CLSTN2: variants seen among roughly 807,000 people sequenced by gnomAD.
The protein encoded by CLSTN2 is calsyntenin-2.
A neutral mutation model predicts 101.2 loss-of-function variants in CLSTN2; 48 were observed. The observed-to-expected ratio is 0.47, with a 90% CI of 0.38 to 0.60. The LOEUF is 0.60. Ranked by LOEUF, CLSTN2 falls within the 20% of genes least tolerant of loss-of-function variation. The probability of loss-of-function intolerance (pLI) is 0.00; values close to 1 mark genes in which losing one functional copy is unlikely to be tolerated. For missense variants in CLSTN2, 1,160 were observed against 1,238.2 expected (o/e 0.94, Z 0.95); for synonymous variants, 481 against 463.6 (o/e 1.04, Z -0.48).
At chr3:140,105,758 G>T (rs1020545059) in intron 1 of CLSTN2, among the ~76,000 whole-genome samples, 3 of 152,186 alleles carry the variant, frequency 2.0e-5, no homozygotes, top group Non-Finnish European at 4.4e-5. Flanking sequence ...CTTATCTCCT[G>T]TGTACAGGAC....
At chr3:140,339,637 G>A (rs916433881) in intron 2 of CLSTN2, among the ~76,000 whole-genome samples, 2 of 152,150 alleles carry the variant, frequency 1.3e-5, no homozygotes, top group African/African-American at 4.8e-5. Context: ...AACCATGGGG[G>A]CCTTGAAACA....
At chr3:140,394,605 C>A (rs544597184) in intron 2 of CLSTN2, among the ~76,000 whole-genome samples, 45 of 146,848 alleles carry the variant, frequency 3.1e-4, no homozygotes, top group Middle Eastern at 3.4e-3. Flanking sequence ...CCTATTGCAG[C>A]CTTTGCAGTA....
intron 2 of CLSTN2, among the ~76,000 whole-genome samples, chr3:140,207,339 T>A (rs533393916): frequency 6.6e-6 from 1 of 152,174 alleles, no homozygotes; most frequent in Admixed American, 6.5e-5. Flanking sequence ...GAGAAAGGAG[T>A]TGGTCTAAAG....
At chr3:140,437,933 T>C (rs2088704647) in intron 5 of CLSTN2, among the ~76,000 whole-genome samples, 1 of 152,214 alleles carries the variant, frequency 6.6e-6, no homozygotes, top group Non-Finnish European at 1.5e-5. Context: ...CTTAACCTTA[T>C]GTCGTATTTA....
At chr3:140,149,815 T>G (rs2009834584) in intron 1 of CLSTN2, among the ~76,000 whole-genome samples, 1 of 152,224 alleles carries the variant, frequency 6.6e-6, no homozygotes, top group Non-Finnish European at 1.5e-5. Context: ...ATACTTATGC[T>G]AAAAATAGTT....
intron 2 of CLSTN2, among the ~76,000 whole-genome samples, chr3:140,351,579 G>C (rs2087607189): frequency 6.6e-6 from 1 of 152,174 alleles, no homozygotes; most frequent in Non-Finnish European, 1.5e-5. Context: ...TTTAAACTCT[G>C]TGGGCCAAAA....
chr3:140,355,140 A>C lies in CLSTN2; in HGVS notation c.233-48489A>C, dbSNP rs995506465. Among the ~76,000 whole-genome samples, 7 of 152,216 alleles carry C rather than the reference A, an allele frequency of 4.6e-5. 1 individual carries two copies. The highest frequency in any genetic ancestry group is 1.7e-4 in the African/African-American group (7 of 41,456). On this transcript the variant is annotated intron_variant, in intron 2 of 16. Coordinates refer to ENST00000458420, the MANE Select transcript of CLSTN2 (RefSeq NM_022131.3). ...TAAGCCCAGGGTGTTTTACACAAAG[A>C]AAGTGGCATTGGTTTTAAATTGTGC...
chr3:140,272,586 C>T (rs1292603134), intron 2 of CLSTN2, among the ~76,000 whole-genome samples: 1 of 151,956 alleles, frequency 6.6e-6, no homozygotes, highest in Non-Finnish European at 1.5e-5. Flanking sequence ...CCTGTCTGTA[C>T]TAAAAAAATG....
chr3:140,075,815 G>A (rs572068902), intron 1 of CLSTN2, among the ~76,000 whole-genome samples: 14 of 152,046 alleles, frequency 9.2e-5, no homozygotes, highest in Non-Finnish European at 1.5e-4. Context: ...GTTGGTGTTC[G>A]TGTTGGCGGA....
chr3:140,322,035 C>T (rs1049931493), intron 2 of CLSTN2, among the ~76,000 whole-genome samples: 2 of 152,226 alleles, frequency 1.3e-5, no homozygotes, highest in African/African-American at 4.8e-5. Flanking sequence ...TCTCTTCAGA[C>T]CTCAGGGCCC....
At chr3:140,316,973 G>C (rs1448963449) in intron 2 of CLSTN2, among the ~76,000 whole-genome samples, 2 of 152,076 alleles carry the variant, frequency 1.3e-5, no homozygotes, top group Non-Finnish European at 2.9e-5. Flanking sequence ...TATACTGATG[G>C]GGAAATTGTC....
At chr3:140,339,747 A>G (rs1559843147) in intron 2 of CLSTN2, among the ~76,000 whole-genome samples, 1 of 152,230 alleles carries the variant, frequency 6.6e-6, no homozygotes, top group Non-Finnish European at 1.5e-5. Context: ...CAAACTATGC[A>G]AAAACCATTA....
intron 1 of CLSTN2, among the ~76,000 whole-genome samples, chr3:140,087,882 G>C (rs2008705954): frequency 6.6e-6 from 1 of 152,148 alleles, no homozygotes; most frequent in South Asian, 2.1e-4. Flanking sequence ...TGTCTGGAAG[G>C]TGTGGGAAAC....
chr3:140,040,806 G>A (rs546074587), intron 1 of CLSTN2, among the ~76,000 whole-genome samples: 1 of 152,250 alleles, frequency 6.6e-6, no homozygotes, highest in Non-Finnish European at 1.5e-5. Context: ...AATGCAGCAC[G>A]AGTGACAGCC....
At chr3:139,947,842 A>G (rs1935236797) in intron 1 of CLSTN2, among the ~76,000 whole-genome samples, 1 of 124,082 alleles carries the variant, frequency 8.1e-6, no homozygotes, top group African/African-American at 2.5e-5. Context: ...TTTTTATTGC[A>G]CTTGCATTTT....
chr3:139,995,088 C>G (rs1936180171), intron 1 of CLSTN2, among the ~76,000 whole-genome samples: 1 of 152,096 alleles, frequency 6.6e-6, no homozygotes, highest in African/African-American at 2.4e-5. Flanking sequence ...ACAATTGGAT[C>G]AAAAAGGCTG....
chr3:140,476,179 C>CA (rs1277724119), intron 8 of CLSTN2, among the ~76,000 whole-genome samples: 17 of 152,052 alleles, frequency 1.1e-4, no homozygotes, highest in African/African-American at 4.1e-4. Flanking sequence ...TATGAAAGGG[C>CA]AAAAAATTGG....
At chr3:140,123,155 G>A (rs1257665443) in intron 1 of CLSTN2, among the ~76,000 whole-genome samples, 1 of 122,142 alleles carries the variant, frequency 8.2e-6, no homozygotes, top group Non-Finnish European at 1.6e-5. Flanking sequence ...TTGTTACTGT[G>A]TCCTCCAGGG....
At chr3:140,336,577 G>A (rs184956940) in intron 2 of CLSTN2, among the ~76,000 whole-genome samples, 5 of 152,278 alleles carry the variant, frequency 3.3e-5, no homozygotes, top group Non-Finnish European at 5.9e-5. Flanking sequence ...CTGGGGCTCC[G>A]TCTGTCATAG....
Sources: allele counts gnomAD v4.1 joint callset (sites outside exome capture counted in the v4.1 genomes callset), GRCh38; gene constraint gnomAD v4.1.1; transcripts MANE v1.5; gene names NCBI Gene and HGNC (gene_info 2026-07-23, HGNC 2026-07-21).